Variants in CTNNA3 observed in about 807,000 individuals in gnomAD.
The protein encoded by CTNNA3 is catenin alpha-3.
CTNNA3 carries 76 observed loss-of-function variants against 95.7 expected under a neutral mutation model. That is an observed-to-expected ratio of 0.79 (90% confidence interval 0.66 to 0.96). The LOEUF (loss-of-function observed/expected upper bound fraction) is 0.96. Ranked by LOEUF, CTNNA3 falls within the 40% of genes least tolerant of loss-of-function variation. The pLI, the probability that CTNNA3 is intolerant of heterozygous loss-of-function variation, is 0.00. For synonymous variants in CTNNA3, 431 were observed against 374.4 expected (o/e 1.15, Z -1.74); for missense variants, 1,191 against 1,089.8 (o/e 1.09, Z -1.31).
intron 17 of CTNNA3, among the ~76,000 whole-genome samples, chr10:65,948,852 A>G (rs2077566027): frequency 6.6e-6 from 1 of 152,216 alleles, no homozygotes; most frequent in African/African-American, 2.4e-5. Context: ...AGAAATGTCT[A>G]TGCTGTCTAT....
At chr10:66,861,485 T>A (rs1258947731) in intron 7 of CTNNA3, among the ~76,000 whole-genome samples, 1 of 152,206 alleles carries the variant, frequency 6.6e-6, no homozygotes. Flanking sequence ...TGTCCTGGGC[T>A]GCTTCCTGCC....
chr10:66,036,877 T>A (rs374033465), intron 15 of CTNNA3, among the ~76,000 whole-genome samples: 14,398 of 137,774 alleles, frequency 0.1, 824 homozygotes, highest in Non-Finnish European at 0.14. Context: ...TTTTTTTTTT[T>A]TTTTTTTTTT....
chr10:66,551,680 C>T (rs1842220095), intron 10 of CTNNA3, among the ~76,000 whole-genome samples: 2 of 151,956 alleles, frequency 1.3e-5, no homozygotes, highest in African/African-American at 2.4e-5. Flanking sequence ...TCTTGTAATA[C>T]TCTGAAGAAT....
At chr10:66,452,370 G>T (rs1485189889) in intron 11 of CTNNA3, among the ~76,000 whole-genome samples, 3 of 152,212 alleles carry the variant, frequency 2.0e-5, no homozygotes, top group East Asian at 1.9e-4. Flanking sequence ...TTTCTCTTGT[G>T]TCTTCCTGGT....
At chr10:66,198,932 T>G (rs2087133188) in intron 13 of CTNNA3, among the ~76,000 whole-genome samples, 1 of 152,218 alleles carries the variant, frequency 6.6e-6, no homozygotes, top group African/African-American at 2.4e-5. Context: ...CAGCTGGACT[T>G]CTAGATAATT....
At chr10:66,939,710 T>C (rs1847896100) in intron 7 of CTNNA3, among the ~76,000 whole-genome samples, 1 of 152,204 alleles carries the variant, frequency 6.6e-6, no homozygotes, top group African/African-American at 2.4e-5. Context: ...AACTTTGTCA[T>C]TCACAGAGTG....
chr10:67,613,646 C>T (rs1012023849), intron 2 of CTNNA3, among the ~76,000 whole-genome samples: 1 of 152,054 alleles, frequency 6.6e-6, no homozygotes, highest in Non-Finnish European at 1.5e-5. Context: ...CCAACAAAGA[C>T]ACGTTACATA....
intron 7 of CTNNA3, among the ~76,000 whole-genome samples, chr10:67,024,488 A>G (rs1344539632): frequency 6.6e-6 from 1 of 152,210 alleles, no homozygotes; most frequent in Non-Finnish European, 1.5e-5. Context: ...GTGATTAGGA[A>G]GTAAACATCT....
chr10:66,018,187 T>TACACACACACACAC (rs59373779), intron 15 of CTNNA3, among the ~76,000 whole-genome samples: 23,604 of 141,822 alleles, frequency 0.17, 2,140 homozygotes, highest in East Asian at 0.38. Flanking sequence ...ACAGCTCAAA[T>TACACACACACACAC]ACACACACAC....
intron 12 of CTNNA3, among the ~76,000 whole-genome samples, chr10:66,330,175 G>C (rs1046778740): frequency 6.6e-6 from 1 of 151,686 alleles, no homozygotes. Context: ...CCATTAACTC[G>C]TCATTTAACA....
At chr10:67,759,958 G>A (rs1841454100) in intron 1 of CTNNA3, among the ~76,000 whole-genome samples, 1 of 152,134 alleles carries the variant, frequency 6.6e-6, no homozygotes, top group South Asian at 2.1e-4. Context: ...AAAGAACCCA[G>A]TCAACACATA....
At chr10:67,112,366 G>A (rs980554866) in intron 7 of CTNNA3, among the ~76,000 whole-genome samples, 1 of 151,846 alleles carries the variant, frequency 6.6e-6, no homozygotes, top group Non-Finnish European at 1.5e-5. Flanking sequence ...CTTTTTGCCT[G>A]GTGGAATTTA....
At chr10:66,246,244 G>T (rs909325298) in intron 13 of CTNNA3, among the ~76,000 whole-genome samples, 4 of 152,198 alleles carry the variant, frequency 2.6e-5, no homozygotes, top group African/African-American at 7.2e-5. Context: ...AGGGCAGGGG[G>T]GCCTTCCTGG....
rs115889853 is a variant in CTNNA3, at chr10:66,300,454, C to T, written c.1733-19833G>A. ...TAACTCAATTCTAAACAACAGAGCA[C>T]GGAAAGGGAGTAGTAGCTTTATACT... On this transcript the variant is annotated intron_variant, in intron 12 of 17. Coordinates refer to ENST00000433211, the MANE Select transcript of CTNNA3 (RefSeq NM_013266.4). Among the ~76,000 whole-genome samples the T allele has an allele frequency of 2.1e-3, 313 of 151,824 alleles. 2 individuals carry two copies. The highest frequency in any genetic ancestry group is 7.0e-3 in the African/African-American group (291 of 41,376).
chr10:66,411,530 A>T (rs1160228538), intron 11 of CTNNA3, among the ~76,000 whole-genome samples: 2 of 152,090 alleles, frequency 1.3e-5, no homozygotes, highest in Non-Finnish European at 2.9e-5. Flanking sequence ...GGAATTCAAA[A>T]ATAAATTTAA....
rs193069024 is a variant in CTNNA3, at chr10:66,696,050, G to T, written c.1281+70214C>A. ...GCATTCTCACTTACATAAAGTATGG[G>T]CACCTCTGAACAATGACCTGAGGAT... is the stretch of plus-strand genomic sequence containing the variant. On this transcript the variant is annotated intron_variant, in intron 9 of 17. Transcript: ENST00000433211. Among the ~76,000 whole-genome samples, 99 of 152,190 alleles carry T rather than the reference G, an allele frequency of 6.5e-4. No individual in the cohort carries two copies. The East Asian group carries it at 0.018, about 28-fold the overall frequency.
chr10:66,069,552 G>T, intron 14 of CTNNA3, 63 bp from the exon 15 acceptor site: 1 of 1,277,258 alleles, frequency 7.8e-7, no homozygotes. Flanking sequence ...TTAGGAATAA[G>T]TAGATATTAT....
Position 66,294,074 on chromosome 10 carries a change from G to A in CTNNA3, c.1733-13453C>T, listed in dbSNP as rs181207837. On this transcript the variant is annotated intron_variant, in intron 12 of 17. Transcript: ENST00000433211. ...GCCTCAAGTAACCATCATGCTAATA[G>A]CCCAATGATTGTTAACGAGAATCTT... 1.9e-3 allele frequency among the ~76,000 whole-genome samples: 283 copies of A among 152,258 alleles called. 3 individuals carry two copies. Among genetic ancestry groups the A allele is most frequent in the African/African-American group, 6.7e-3 (278 of 41,558 alleles).
At chr10:67,229,642 C>T (rs1284551977) in intron 5 of CTNNA3, among the ~76,000 whole-genome samples, 1 of 152,156 alleles carries the variant, frequency 6.6e-6, no homozygotes, top group Non-Finnish European at 1.5e-5. Context: ...GATTAATATA[C>T]ACAAATCAGT....
Sources: allele counts gnomAD v4.1 joint callset (sites outside exome capture counted in the v4.1 genomes callset), GRCh38; gene constraint gnomAD v4.1.1; transcripts MANE v1.5; gene names NCBI Gene and HGNC (gene_info 2026-07-23, HGNC 2026-07-21).